Variants in TMEM135 observed in about 807,000 individuals in gnomAD.
The protein encoded by TMEM135 is peroxisomal membrane protein 52.
A neutral mutation model predicts 60.3 loss-of-function variants in TMEM135; 30 were observed. The observed-to-expected ratio is 0.50, with a 90% CI of 0.37 to 0.68. The LOEUF is 0.68. Ranked by LOEUF, TMEM135 falls within the 30% of genes least tolerant of loss-of-function variation. TMEM135 has a pLI of 0.00. For synonymous variants in TMEM135, 190 were observed against 186.7 expected (o/e 1.02, Z -0.14); for missense variants, 468 against 548.8 (o/e 0.85, Z 1.47).
chr11:87,157,169 C>G (rs1938722984), intron 4 of TMEM135, among the ~76,000 whole-genome samples, 172 bp from the exon 5 acceptor site: 1 of 150,730 alleles, frequency 6.6e-6, no homozygotes, highest in African/African-American at 2.4e-5. Context: ...CTCAAGTGAT[C>G]CTCTTGCCTG....
intron 5 of TMEM135, among the ~76,000 whole-genome samples, chr11:87,167,943 C>CT (rs869042886): frequency 6.6e-6 from 1 of 151,796 alleles, no homozygotes; most frequent in Admixed American, 6.6e-5. Context: ...AGGTCCTGGG[C>CT]TTTTTTTGGG....
At chr11:87,138,698 T>G (rs1013850874) in intron 4 of TMEM135, among the ~76,000 whole-genome samples, 3 of 152,192 alleles carry the variant, frequency 2.0e-5, no homozygotes, top group East Asian at 1.9e-4. Flanking sequence ...TATGATACAT[T>G]GTGGCAGAAG....
At chr11:87,318,874 CT>C (rs71470739) in intron 13 of TMEM135, among the ~76,000 whole-genome samples, 161 of 134,216 alleles carry the variant, frequency 1.2e-3, no homozygotes, top group Admixed American at 1.9e-3. Flanking sequence ...TTTTTTTTTT[CT>C]TTTTTTTTTT....
intron 6 of TMEM135, among the ~76,000 whole-genome samples, chr11:87,279,322 CACCTTAGAGTTT>C (rs1942020142): frequency 6.6e-6 from 1 of 152,076 alleles, no homozygotes; most frequent in Non-Finnish European, 1.5e-5. Context: ...CTCACTGTTT[CACCTTAGAGTTT>C]AAGCCTATGA....
intron 5 of TMEM135, among the ~76,000 whole-genome samples, chr11:87,222,250 A>C (rs1235915744): frequency 6.7e-6 from 1 of 149,866 alleles, no homozygotes; most frequent in Non-Finnish European, 1.5e-5. Flanking sequence ...TAATCCCAGC[A>C]CTTTGGGTGG....
chr11:87,276,402 A>G (rs1435633771), intron 6 of TMEM135, among the ~76,000 whole-genome samples: 5 of 152,122 alleles, frequency 3.3e-5, no homozygotes. Context: ...TAACTGCATC[A>G]GAATTTGATT....
At chr11:87,235,096 G>A (rs888188143) in intron 5 of TMEM135, among the ~76,000 whole-genome samples, 1 of 151,900 alleles carries the variant, frequency 6.6e-6, no homozygotes, top group Admixed American at 6.6e-5. Context: ...TCATGACTGG[G>A]TTTTGTTAGG....
intron 3 of TMEM135, among the ~76,000 whole-genome samples, chr11:87,075,335 T>C (rs1195003066): frequency 2.0e-5 from 3 of 152,078 alleles, no homozygotes; most frequent in African/African-American, 7.2e-5. Flanking sequence ...TTTGTATTTT[T>C]AGTAGAGACG....
intron 4 of TMEM135, among the ~76,000 whole-genome samples, chr11:87,134,887 A>G (rs1313571787): frequency 6.6e-6 from 1 of 152,212 alleles, no homozygotes; most frequent in Non-Finnish European, 1.5e-5. Context: ...GTTGCCCTAC[A>G]TCTATGCTAA....
chr11:87,097,685 GC>G (rs1434372634), intron 4 of TMEM135, among the ~76,000 whole-genome samples: 2 of 152,124 alleles, frequency 1.3e-5, no homozygotes. Context: ...CAGCCACACT[GC>G]CCTCTCTGGT....
rs117600408 is a variant in TMEM135, at chr11:87,274,083, C to T, written c.510-21699C>T. Among the ~76,000 whole-genome samples the T allele has an allele frequency of 8.4e-3, 1,280 of 152,226 alleles. 7 individuals carry two copies. The highest frequency in any genetic ancestry group is 0.013 in the Non-Finnish European group (906 of 68,018). On this transcript the variant is annotated intron_variant, in intron 6 of 14. Coordinates refer to ENST00000305494, the MANE Select transcript of TMEM135 (RefSeq NM_022918.4). ...TCGGAAATGTATTTCTCCTGACCAT[C>T]CTTTAGAGTGGGTTGAGTGGGTAGA...
At chr11:87,104,865 C>T (rs1345440092) in intron 4 of TMEM135, among the ~76,000 whole-genome samples, 1 of 152,148 alleles carries the variant, frequency 6.6e-6, no homozygotes. Flanking sequence ...AGTCTACAAA[C>T]AGAGATTGTT....
chr11:87,197,376 GA>G (rs1160034230), intron 5 of TMEM135, among the ~76,000 whole-genome samples: 1 of 151,990 alleles, frequency 6.6e-6, no homozygotes, highest in Non-Finnish European at 1.5e-5. Context: ...AGTATAAATG[GA>G]AAAACACTAA....
chr11:87,205,766 A>G (rs1940220427), intron 5 of TMEM135, among the ~76,000 whole-genome samples: 1 of 152,166 alleles, frequency 6.6e-6, no homozygotes, highest in Non-Finnish European at 1.5e-5. Flanking sequence ...TAATATTTTA[A>G]GTTAAGTTTC....
At chr11:87,128,688 A>G (rs1467654110) in intron 4 of TMEM135, among the ~76,000 whole-genome samples, 2 of 152,168 alleles carry the variant, frequency 1.3e-5, no homozygotes, top group Non-Finnish European at 2.9e-5. Flanking sequence ...ACACTTTGGA[A>G]AACGGTTTGT....
chr11:87,102,949 G>A (rs1377863774), intron 4 of TMEM135, among the ~76,000 whole-genome samples: 1 of 151,672 alleles, frequency 6.6e-6, no homozygotes, highest in Admixed American at 6.6e-5. Context: ...TCTTCCCTTG[G>A]GCTCTGTTAA....
rs779348585 is a variant in TMEM135, at chr11:87,183,735, C to T, written c.462+26329C>T. Among the ~76,000 whole-genome samples the T allele has an allele frequency of 4.5e-4, 68 of 152,020 alleles. No individual in the cohort carries two copies. The Middle Eastern group carries it at 0.014, about 30-fold the overall frequency. On this transcript the variant is annotated intron_variant, in intron 5 of 14. Transcript: ENST00000305494. ...CTTTGGGAGGCTGAGGTGGGTGGAT[C>T]ACCTGAGGTCAGGAGTTCGAGACCA...
intron 4 of TMEM135, among the ~76,000 whole-genome samples, chr11:87,148,466 A>T (rs1938471663): frequency 6.6e-6 from 1 of 152,208 alleles, no homozygotes; most frequent in Non-Finnish European, 1.5e-5. Context: ...TTCTTCTTCT[A>T]CTGGAGAAGG....
At chr11:87,264,279 A>C (rs7130555) in intron 6 of TMEM135, among the ~76,000 whole-genome samples, 52,086 of 148,422 alleles carry the variant, frequency 0.35, 9,632 homozygotes, top group Non-Finnish European at 0.42. Context: ...TCTCCTCCCC[A>C]ATCTCACTTT....
Sources: allele counts gnomAD v4.1 joint callset (sites outside exome capture counted in the v4.1 genomes callset), GRCh38; gene constraint gnomAD v4.1.1; transcripts MANE v1.5; gene names NCBI Gene and HGNC (gene_info 2026-07-23, HGNC 2026-07-21).